CDC20B: variants seen among roughly 807,000 people sequenced by gnomAD.
The protein encoded by CDC20B is cell division cycle protein 20 homolog B.
CDC20B carries 58 observed loss-of-function variants against 64.1 expected under a neutral mutation model. That is an observed-to-expected ratio of 0.90 (90% CI 0.73 to 1.13). CDC20B has a LOEUF of 1.13. Among genes scored for constraint, CDC20B ranks in the 50% most tolerant of loss-of-function variants. The pLI, the probability that CDC20B is intolerant of heterozygous loss-of-function variation, is 0.00. For synonymous variants in CDC20B, 243 were observed against 230.6 expected (o/e 1.05, Z -0.49); for missense variants, 597 against 633.0 (o/e 0.94, Z 0.61).
chr5:55,165,731 G>A (rs1744346304), intron 2 of CDC20B: 1 of 152,250 alleles, frequency 6.6e-6, no homozygotes, highest in Non-Finnish European at 1.5e-5. Flanking sequence ...AATGCCAGAT[G>A]AGTGTGTCAG....
chr5:55,154,802 G>A (rs939035263), intron 2 of CDC20B, among the ~76,000 whole-genome samples: 6 of 152,142 alleles, frequency 3.9e-5, no homozygotes, highest in African/African-American at 1.4e-4. Context: ...CAGGTTTGAT[G>A]TAAAGTTTTC....
intron 2 of CDC20B, among the ~76,000 whole-genome samples, chr5:55,153,657 C>T (rs2111909343): frequency 6.6e-6 from 1 of 152,286 alleles, no homozygotes; most frequent in South Asian, 2.1e-4. Context: ...AACTTGTTAT[C>T]AGCAGCTTGA....
rs765171520 is a variant in CDC20B, at chr5:55,119,901, C to T, written c.1359G>A (p.Trp453Ter). ...TTGCAATCTCCTTTGTCTTAGGTAG[C>T]CAGATTAAGGAACAAATCTGTAATA... Reference protein sequence around the residue: ...STNSQICSLIWLPKTKEIATG... With the variant: ...STNSQICSLI The change falls in exon 11 of 12, where the codon TGG (tryptophan) becomes TGA (stop). Residue 453 changes from tryptophan to a stop codon, truncating the protein, a stop_gained. Coordinates refer to ENST00000381375, the MANE Select transcript of CDC20B (RefSeq NM_001170402.1). LOFTEE classifies it high-confidence loss of function. The T allele has an allele frequency of 1.2e-6, 2 of 1,610,754 alleles. No homozygotes were observed. Among genetic ancestry groups the T allele is most frequent in the South Asian group, 2.2e-5 (2 of 90,998 alleles).
At chr5:55,146,968 A>G in intron 2 of CDC20B, 112 bp from the exon 3 acceptor site, 1 of 468,130 alleles carries the variant, frequency 2.1e-6, no homozygotes, top group East Asian at 3.5e-5. Flanking sequence ...AATAAAATAT[A>G]TATAATGAGA....
At chr5:55,169,344 A>T (rs1234550830) in intron 2 of CDC20B, among the ~76,000 whole-genome samples, 3 of 152,258 alleles carry the variant, frequency 2.0e-5, no homozygotes, top group African/African-American at 7.2e-5. Flanking sequence ...CCAGTACAGT[A>T]GAGAATGCGA....
chr5:55,146,802 T>G lies in CDC20B; in HGVS notation c.181A>C (p.Arg61=), dbSNP rs1291562342. Residue 61 remains arginine (R), a synonymous_variant, in exon 3 of 12, where the codon AGG becomes CGG. Transcript: ENST00000381375. ...GCAACAGGAACCTCTGCGGACAGCCTCTTCGCAAAGTTGCTCTTAAAGTCA... is the reference window on the plus strand; with the variant it reads ...GCAACAGGAACCTCTGCGGACAGCCGCTTCGCAAAGTTGCTCTTAAAGTCA... ...YSDFKSNFAK[R]LSAEVPVASS... 3.7e-6 allele frequency: 6 copies of G among 1,614,178 alleles called. No homozygotes were observed. In the African/African-American group the frequency reaches 6.7e-5, roughly 18 times the overall value.
chr5:55,141,274 T>C (rs1034729411), intron 4 of CDC20B, among the ~76,000 whole-genome samples: 3 of 152,198 alleles, frequency 2.0e-5, no homozygotes, highest in Non-Finnish European at 4.4e-5. Context: ...CTCCCTTGCC[T>C]TCAGGGTCAG....
intron 2 of CDC20B, among the ~76,000 whole-genome samples, chr5:55,163,437 T>A (rs1054489120): frequency 1.3e-5 from 2 of 152,040 alleles, no homozygotes; most frequent in African/African-American, 4.8e-5. Context: ...AATACAAAAA[T>A]TTGCCTGGTG....
intron 1 of CDC20B, 138 bp from the exon 2 acceptor site, chr5:55,172,788 C>T: frequency 1.2e-6 from 1 of 806,834 alleles, no homozygotes; most frequent in African/African-American, 2.0e-5. Flanking sequence ...CAACTAGGCA[C>T]CTTCAGAATA....
Position 55,113,803 on chromosome 5 carries a change from G to C in CDC20B, c.*415C>G, listed in dbSNP as rs886572721. The C allele has an allele frequency of 1.9e-5, 3 of 160,744 alleles. No homozygotes were observed. Among genetic ancestry groups the C allele is most frequent in the African/African-American group, 7.2e-5 (3 of 41,564 alleles). 10.0% of individuals were successfully genotyped at this position (160,744 alleles called of 1,614,324 possible). On this transcript the variant is annotated 3_prime_UTR_variant, in exon 12 of 12. Transcript: ENST00000381375. Reference sequence around the variant, plus strand: ...ATGAGTTGTGTTTTCAATGTGTTGAGATTGAGCTAAAGACAGGAAAGTATC... The same window carrying C: ...ATGAGTTGTGTTTTCAATGTGTTGACATTGAGCTAAAGACAGGAAAGTATC...
At position 55,119,904 on chromosome 5, in the gene CDC20B, G is replaced by T. The variant is rs202229164; in HGVS notation, c.1356C>A (p.Ile452=). 1.9e-6 allele frequency: 3 copies of T among 1,609,878 alleles called. No homozygotes were observed. The East Asian group carries it at 6.7e-5, about 36-fold the overall frequency. ...PSTNSQICSL[I]WLPKTKEIAT... ...CAATCTCCTTTGTCTTAGGTAGCCA[G>T]ATTAAGGAACAAATCTGTAATAATG... The change falls in exon 11 of 12, where the codon ATC becomes ATA. Residue 452 remains isoleucine (I), a synonymous_variant. Transcript: ENST00000381375.
At chr5:55,115,471 C>T (rs898014529) in intron 11 of CDC20B, among the ~76,000 whole-genome samples, 1 of 152,230 alleles carries the variant, frequency 6.6e-6, no homozygotes, top group Non-Finnish European at 1.5e-5. Context: ...ATCTCAAGGG[C>T]TAGTGCTCCT....
intron 2 of CDC20B, among the ~76,000 whole-genome samples, chr5:55,154,866 G>A (rs1204252916): frequency 6.6e-6 from 1 of 152,178 alleles, no homozygotes; most frequent in Non-Finnish European, 1.5e-5. Flanking sequence ...TCATTTGTTA[G>A]TATGAGTATT....
intron 6 of CDC20B, among the ~76,000 whole-genome samples, chr5:55,133,085 C>A (rs1292466642): frequency 6.6e-6 from 1 of 152,176 alleles, no homozygotes; most frequent in Non-Finnish European, 1.5e-5. Context: ...GGGCACATAA[C>A]AAGTAGACCC....
intron 5 of CDC20B, among the ~76,000 whole-genome samples, chr5:55,139,664 TTAAC>T (rs2111862779): frequency 6.6e-6 from 1 of 152,324 alleles, no homozygotes; most frequent in South Asian, 2.1e-4. Context: ...GATGTAAACA[TTAAC>T]TACTAATTTT....
At chr5:55,134,598 C>T (rs1014941548) in intron 5 of CDC20B, among the ~76,000 whole-genome samples, 7 of 152,090 alleles carry the variant, frequency 4.6e-5, no homozygotes, top group Admixed American at 2.6e-4. Flanking sequence ...CCTGTCACTA[C>T]AAAAAATGCA....
intron 5 of CDC20B, among the ~76,000 whole-genome samples, chr5:55,138,718 T>C (rs1367275152): frequency 1.4e-5 from 2 of 145,974 alleles, no homozygotes; most frequent in Admixed American, 1.4e-4. Flanking sequence ...CCATGAAGCA[T>C]GAACAGGATG....
chr5:55,158,899 G>A (rs150939041), intron 2 of CDC20B, among the ~76,000 whole-genome samples: 1 of 152,292 alleles, frequency 6.6e-6, no homozygotes, highest in East Asian at 1.9e-4. Context: ...TAGATGACGT[G>A]CCCAAGTAGA....
At chr5:55,132,786 T>C (rs1224880754) in intron 6 of CDC20B, among the ~76,000 whole-genome samples, 1 of 152,218 alleles carries the variant, frequency 6.6e-6, no homozygotes, top group Non-Finnish European at 1.5e-5. Flanking sequence ...TGTATCTTCT[T>C]CATTGCCATT....
Sources: gnomAD v4.1 joint callset for allele counts (sites outside exome capture counted in the v4.1 genomes callset) on GRCh38, gnomAD v4.1.1 for gene constraint, MANE v1.5 for transcripts, NCBI Gene and HGNC (gene_info 2026-07-23, HGNC 2026-07-21) for gene names.